MARCHF5: variants seen among roughly 807,000 people sequenced by gnomAD.
MARCHF5 encodes the protein E3 ubiquitin-protein ligase MARCHF5.
Under a neutral mutation model 36.5 loss-of-function variants are expected in MARCHF5, and 5 were observed. The observed-to-expected ratio is 0.14, with a 90% CI of 0.07 to 0.29. MARCHF5 has a LOEUF of 0.29. Among genes scored for constraint, MARCHF5 ranks in the 10% least tolerant of loss-of-function variants. MARCHF5 has a pLI of 1.00. For synonymous variants in MARCHF5, 103 were observed against 109.9 expected (o/e 0.94, Z 0.39); for missense variants, 179 against 336.3 (o/e 0.53, Z 3.66).
intron 2 of MARCHF5, among the ~76,000 whole-genome samples, chr10:92,319,496 G>A (rs1843261496): frequency 1.3e-5 from 2 of 151,340 alleles, no homozygotes; most frequent in South Asian, 2.1e-4. Context: ...GGGTTTCACC[G>A]TGTTAGCCAG....
chr10:92,313,131 G>A (rs1053752540), intron 2 of MARCHF5, among the ~76,000 whole-genome samples: 2 of 152,192 alleles, frequency 1.3e-5, no homozygotes, highest in Admixed American at 1.3e-4. Context: ...CTACTCAGGA[G>A]GCTGAGGCAG....
chr10:92,330,883 A>C (rs1010030575), intron 2 of MARCHF5, among the ~76,000 whole-genome samples: 3 of 152,104 alleles, frequency 2.0e-5, no homozygotes, highest in African/African-American at 7.2e-5. Context: ...ACCCAACCTA[A>C]TCCTTACCCA....
At chr10:92,332,008 T>C (rs1843442704) in intron 2 of MARCHF5, among the ~76,000 whole-genome samples, 1 of 147,990 alleles carries the variant, frequency 6.8e-6, no homozygotes, top group African/African-American at 2.5e-5. Context: ...TGCTTTGACC[T>C]GAAGTCTTTT....
At chr10:92,305,025 T>G (rs984738216) in intron 1 of MARCHF5, among the ~76,000 whole-genome samples, 2 of 152,200 alleles carry the variant, frequency 1.3e-5, no homozygotes, top group Non-Finnish European at 2.9e-5. Flanking sequence ...CTTAAGCATT[T>G]TACTTATTGT....
At chr10:92,340,933 T>A in intron 3 of MARCHF5, 130 bp downstream of exon 3, 1 of 836,374 alleles carries the variant, frequency 1.2e-6, no homozygotes, top group Non-Finnish European at 1.7e-6. Flanking sequence ...AAATGTTATT[T>A]CCCCTACTTT....
chr10:92,338,748 T>G (rs1409423887), intron 2 of MARCHF5, among the ~76,000 whole-genome samples: 2 of 152,216 alleles, frequency 1.3e-5, no homozygotes, highest in Non-Finnish European at 2.9e-5. Context: ...GCTTTGTTCT[T>G]ACATGTTTCA....
At chr10:92,350,780 G>GC (rs1170715850) in intron 5 of MARCHF5, among the ~76,000 whole-genome samples, 1 of 152,140 alleles carries the variant, frequency 6.6e-6, no homozygotes, top group Non-Finnish European at 1.5e-5. Flanking sequence ...CCCAACAGTG[G>GC]CAGTCTGCAC....
rs1162811836 is a variant in MARCHF5 at position 92,351,706 on chromosome 10, C to A, written c.*499C>A. The A allele has an allele frequency of 2.0e-5, 3 of 152,358 alleles. No homozygotes were observed. The Admixed American group carries it at 2.0e-4, about 10-fold the overall frequency. 9.4% of individuals were successfully genotyped at this position (152,358 alleles called of 1,614,324 possible). A position where few individuals can be genotyped will look rare whatever the true frequency, so the allele number is the denominator to read the frequency against. On this transcript the variant is annotated 3_prime_UTR_variant, in exon 6 of 6. Coordinates refer to ENST00000358935, the MANE Select transcript of MARCHF5 (RefSeq NM_017824.5). ...ATTAAATTAGTTATAAATAAATAAC[C>A]AAAAATGTATGTAAACATTCAAATG... is the stretch of plus-strand genomic sequence containing the variant.
In MARCHF5 at chr10:92,322,244, CAAAAAAAAAAAA is replaced by C. The variant is rs56391697; in HGVS notation, c.238+10924_238+10935del. Among the ~76,000 whole-genome samples the C allele has an allele frequency of 3.0e-3, 83 of 27,754 alleles. 2 individuals are homozygous for C. The highest frequency in any genetic ancestry group is 4.4e-3 in the Non-Finnish European group (68 of 15,446). The allele number at this position is 27,754 out of a possible 152,430, so 18.2% of individuals were successfully genotyped here. A position where few individuals can be genotyped will look rare whatever the true frequency, so the allele number is the denominator to read the frequency against. On this transcript the variant is annotated intron_variant, in intron 2 of 5. Coordinates refer to ENST00000358935, the MANE Select transcript of MARCHF5 (RefSeq NM_017824.5). ...GGGCAACAAGAGCGAAACTCCGTCT[CAAAAAAAAAAAA>C]AAAAAAAAAAAAAAAAGATTTGTCA...
chr10:92,336,067 CT>C (rs1843498906), intron 2 of MARCHF5, among the ~76,000 whole-genome samples: 1 of 152,150 alleles, frequency 6.6e-6, no homozygotes, highest in African/African-American at 2.4e-5. Context: ...CGGAGTTTCG[CT>C]CTTGTTGCCC....
intron 2 of MARCHF5, among the ~76,000 whole-genome samples, chr10:92,328,815 A>T (rs1425519120): frequency 4.7e-4 from 31 of 66,096 alleles, no homozygotes; most frequent in East Asian, 2.4e-3. Context: ...ATATATATAT[A>T]TATATATTTT....
At chr10:92,316,839 T>C (rs982421422) in intron 2 of MARCHF5, among the ~76,000 whole-genome samples, 4 of 152,266 alleles carry the variant, frequency 2.6e-5, no homozygotes, top group African/African-American at 9.6e-5. Context: ...GTACTGAGAA[T>C]GTAGGCAAGA....
chr10:92,326,658 G>A (rs1352041028), intron 2 of MARCHF5, among the ~76,000 whole-genome samples: 2 of 152,092 alleles, frequency 1.3e-5, no homozygotes, highest in Non-Finnish European at 2.9e-5. Context: ...CAAAATGATA[G>A]CTAGGTGCCT....
In MARCHF5 at chr10:92,351,833, CA is replaced by C. The variant is rs1338374213; in HGVS notation, c.*628del. On this transcript the variant is annotated 3_prime_UTR_variant, in exon 6 of 6. Transcript: ENST00000358935. Reference sequence around the variant, plus strand: ...TCACAGGGCTTCCAGATCACTTTTTCAATATTAAATTTTATTTACATAATGT... The same window carrying C: ...TCACAGGGCTTCCAGATCACTTTTTCATATTAAATTTTATTTACATAATGT... 1.3e-5 allele frequency: 2 copies of C among 151,730 alleles called. No individual in the cohort carries two copies. Among genetic ancestry groups the C allele is most frequent in the Non-Finnish European group, 2.9e-5 (2 of 67,910 alleles). 9.4% of individuals were successfully genotyped at this position (151,730 alleles called of 1,614,324 possible).
At chr10:92,313,887 T>C (rs967165887) in intron 2 of MARCHF5, among the ~76,000 whole-genome samples, 8 of 151,616 alleles carry the variant, frequency 5.3e-5, no homozygotes, top group Non-Finnish European at 1.0e-4. Context: ...AGTGAGACCC[T>C]GTCTGAACAA....
At chr10:92,302,739 C>T (rs977446841) in intron 1 of MARCHF5, among the ~76,000 whole-genome samples, 10 of 152,182 alleles carry the variant, frequency 6.6e-5, no homozygotes, top group African/African-American at 2.2e-4. Context: ...CCACCGTGCC[C>T]GGCCTAACAT....
intron 2 of MARCHF5, among the ~76,000 whole-genome samples, chr10:92,330,943 C>G (rs529956792): frequency 1.3e-5 from 2 of 152,100 alleles, no homozygotes; most frequent in Non-Finnish European, 2.9e-5. Context: ...TTCTCATATA[C>G]AGGGAAGAAG....
intron 2 of MARCHF5, among the ~76,000 whole-genome samples, chr10:92,337,418 G>T (rs1590664585): frequency 6.6e-6 from 1 of 152,076 alleles, no homozygotes; most frequent in Non-Finnish European, 1.5e-5. Flanking sequence ...GGAGGCTGAG[G>T]CAGGAGAATC....
At chr10:92,349,882 T>G in intron 5 of MARCHF5, 45 bp downstream of exon 5, 1 of 1,498,742 alleles carries the variant, frequency 6.7e-7, no homozygotes, top group Admixed American at 1.8e-5. Flanking sequence ...CAAAAGAGAA[T>G]GAAGTGTATT....
Sources: allele counts gnomAD v4.1 joint callset (sites outside exome capture counted in the v4.1 genomes callset), GRCh38; gene constraint gnomAD v4.1.1; transcripts MANE v1.5; gene names NCBI Gene and HGNC (gene_info 2026-07-23, HGNC 2026-07-21).